TMEM181: variants seen among roughly 807,000 people sequenced by gnomAD.
TMEM181 encodes the protein transmembrane protein 181, also known as G protein-coupled receptor 178.
Under a neutral mutation model 71.9 loss-of-function variants are expected in TMEM181, and 39 were observed. The ratio of observed to expected loss-of-function variants is 0.54; its 90% CI spans 0.42 to 0.71. TMEM181 has a LOEUF of 0.71. Ranked by LOEUF, TMEM181 falls within the 30% of genes least tolerant of loss-of-function variation. TMEM181 has a pLI of 0.00. For missense variants in TMEM181, 595 were observed against 583.0 expected (o/e 1.02, Z -0.21); for synonymous variants, 245 against 228.8 (o/e 1.07, Z -0.64).
At chr6:158,555,792 A>G (rs891362587), upstream of TMEM181, among the ~76,000 whole-genome samples, 5 of 152,198 alleles carry the variant, frequency 3.3e-5, no homozygotes, top group Non-Finnish European at 7.3e-5. Context: ...CTGTCAGCGA[A>G]TGTCAGGAGT....
At chr6:158,536,788 C>T (rs1306632180) in exon 1 of TMEM181, 2 of 1,568,090 alleles carry the variant, frequency 1.3e-6, no homozygotes, top group Admixed American at 3.5e-5. Context: ...AGCTCAAGCA[C>T]CTGTGCCGGC....
intron 4 of TMEM181, among the ~76,000 whole-genome samples, chr6:158,584,577 G>A (rs192908496): frequency 6.6e-6 from 1 of 152,320 alleles, no homozygotes; most frequent in African/African-American, 2.4e-5. Flanking sequence ...ATTAGCTTCT[G>A]TCAGTCTACA....
At chr6:158,554,329 G>A (rs188786262) in intron 1 of TMEM181, among the ~76,000 whole-genome samples, 41 of 152,074 alleles carry the variant, frequency 2.7e-4, no homozygotes, top group East Asian at 9.7e-4. Flanking sequence ...CAGGCAGTCC[G>A]CTCACCTTGG....
chr6:158,588,011 G>A (rs1180742632), intron 5 of TMEM181, among the ~76,000 whole-genome samples: 2 of 152,230 alleles, frequency 1.3e-5, no homozygotes, highest in African/African-American at 2.4e-5. Flanking sequence ...GACTGCCAGA[G>A]GGGAAAGGTG....
chr6:158,541,253 TA>T (rs1022535821), intron 1 of TMEM181, among the ~76,000 whole-genome samples: 3 of 151,410 alleles, frequency 2.0e-5, no homozygotes, highest in Admixed American at 6.6e-5. Context: ...CCATCTCTAC[TA>T]AAAAAAACAA....
At chr6:158,594,933 C>T (rs190348416) in intron 6 of TMEM181, among the ~76,000 whole-genome samples, 1 of 152,332 alleles carries the variant, frequency 6.6e-6, no homozygotes, top group East Asian at 1.9e-4. Context: ...GTTATCCAGC[C>T]TCTCAAAGTG....
chr6:158,610,732 A>T, intron 10 of TMEM181: 1 of 294,006 alleles, frequency 3.4e-6, no homozygotes, highest in Non-Finnish European at 6.5e-6. Context: ...GGGAAGAATC[A>T]CTCAGGCACT....
chr6:158,572,821 G>A (rs1782941257), intron 1 of TMEM181, among the ~76,000 whole-genome samples: 1 of 152,212 alleles, frequency 6.6e-6, no homozygotes, highest in Admixed American at 6.5e-5. Context: ...TGGCACAAGG[G>A]GAACCTGAAG....
At chr6:158,622,407 T>C (rs1583050118) in intron 10 of TMEM181, among the ~76,000 whole-genome samples, 2 of 151,848 alleles carry the variant, frequency 1.3e-5, no homozygotes. Flanking sequence ...CTGTGATATG[T>C]CGGGAGGGTC....
chr6:158,571,199 C>G (rs1350368940), intron 1 of TMEM181, among the ~76,000 whole-genome samples: 1 of 152,146 alleles, frequency 6.6e-6, no homozygotes, highest in Non-Finnish European at 1.5e-5. Flanking sequence ...CGGGTTCGTG[C>G]CATTCTCCCG....
intron 1 of TMEM181, among the ~76,000 whole-genome samples, chr6:158,571,331 T>C (rs186679135): frequency 0.024 from 3,577 of 147,344 alleles, 86 homozygotes; most frequent in African/African-American, 0.028. Context: ...CTCCTGACCT[T>C]GTGATCCGCC....
intron 2 of TMEM181, among the ~76,000 whole-genome samples, chr6:158,577,551 A>G (rs1783232940): frequency 6.6e-6 from 1 of 152,242 alleles, no homozygotes. Context: ...TGATGACTGA[A>G]AACTTCCCAT....
At chr6:158,570,432 A>G (rs368455642) in intron 1 of TMEM181, among the ~76,000 whole-genome samples, 53 of 151,212 alleles carry the variant, frequency 3.5e-4, no homozygotes, top group East Asian at 2.3e-3. Flanking sequence ...CAGTAGAGAC[A>G]GGGTTTCACC....
chr6:158,568,383 C>T (rs1211783310), intron 1 of TMEM181, among the ~76,000 whole-genome samples: 1 of 151,832 alleles, frequency 6.6e-6, no homozygotes. Context: ...GCAGGAAGGA[C>T]GGAGAGAGAA....
intron 1 of TMEM181, among the ~76,000 whole-genome samples, chr6:158,548,402 T>G (rs573844248): frequency 1.3e-5 from 2 of 152,162 alleles, no homozygotes; most frequent in Non-Finnish European, 2.9e-5. Flanking sequence ...GCCCGGTAAC[T>G]CATAGAAAAA....
At chr6:158,600,401 C>G (rs1255348212) in intron 6 of TMEM181, among the ~76,000 whole-genome samples, 1 of 150,972 alleles carries the variant, frequency 6.6e-6, no homozygotes, top group Admixed American at 6.6e-5. Context: ...CCACCCGCAT[C>G]GGCCTCCCGA....
intron 10 of TMEM181, among the ~76,000 whole-genome samples, chr6:158,621,986 G>A (rs564214407): frequency 1.1e-4 from 17 of 152,188 alleles, no homozygotes; most frequent in African/African-American, 3.6e-4. Context: ...GGGCCCAAGC[G>A]CCCCTCAGAG....
chr6:158,577,041 A>C (rs1178133513), intron 2 of TMEM181, among the ~76,000 whole-genome samples: 1 of 146,540 alleles, frequency 6.8e-6, no homozygotes, highest in African/African-American at 2.6e-5. Context: ...CAGCCTGGGC[A>C]ATAGAGCAAG....
At chr6:158,539,217 A>G (rs1781248853) in intron 1 of TMEM181, among the ~76,000 whole-genome samples, 1 of 152,212 alleles carries the variant, frequency 6.6e-6, no homozygotes. Flanking sequence ...TTGACTGCAG[A>G]GTACTTTACA....
Sources: gnomAD v4.1 joint callset for allele counts (sites outside exome capture counted in the v4.1 genomes callset) on GRCh38, gnomAD v4.1.1 for gene constraint, MANE v1.5 for transcripts, NCBI Gene and HGNC (gene_info 2026-07-23, HGNC 2026-07-21) for gene names.